Variants in GPRASP2 observed in about 807,000 individuals in gnomAD.
GPRASP2 encodes the protein G protein-coupled receptor associated sorting protein 2, also known as G protein-coupled receptor-associated sorting protein 2.
Under a neutral mutation model 36.0 loss-of-function variants are expected in GPRASP2, and 10 were observed. The observed-to-expected ratio is 0.28, with a 90% CI of 0.17 to 0.47. The LOEUF is 0.47. Among genes scored for constraint, GPRASP2 ranks in the 20% least tolerant of loss-of-function variants. The pLI is 0.99. For missense variants in GPRASP2, 538 were observed against 626.7 expected, an observed-to-expected ratio of 0.86 and a Z score of 1.51; for synonymous variants, 219 against 230.5, an observed-to-expected ratio of 0.95 and a Z score of 0.45.
In GPRASP2 at chrX:102,717,707, CA is replaced by C. The variant is rs2081983967; in HGVS notation, c.*323del. On this transcript the variant is annotated 3_prime_UTR_variant, in exon 5 of 5. Coordinates refer to ENST00000483720, the MANE Select transcript of GPRASP2 (RefSeq NM_001004051.4). Reference sequence around the variant, plus strand: ...GGTTCTCTATTTGAGTCTGTGTTTTCAATAAAGTTCTATGTTAAAATTGGCA... The same window carrying C: ...GGTTCTCTATTTGAGTCTGTGTTTTCATAAAGTTCTATGTTAAAATTGGCA... 1.2e-5 allele frequency: 2 copies of C among 172,067 alleles called. No individual in the cohort carries two copies. Among genetic ancestry groups the C allele is most frequent in the East Asian group, 2.7e-4 (2 of 7,285 alleles). 14.2% of individuals were successfully genotyped at this position (172,067 alleles called of 1,213,427 possible).
In GPRASP2 at chrX:102,717,181, A is replaced by G. The variant is rs746842035; in HGVS notation, c.2312A>G (p.Glu771Gly). 1 of 1,151,715 alleles carries G rather than the reference A, an allele frequency of 8.7e-7. No individual in the cohort carries two copies. Among genetic ancestry groups the G allele is most frequent in the South Asian group, 2.2e-5 (1 of 45,414 alleles). The allele number at this position is 1,151,715 out of a possible 1,213,427, so 94.9% of individuals were successfully genotyped here. A position where few individuals can be genotyped will look rare whatever the true frequency, so the allele number is the denominator to read the frequency against. The change falls in exon 5 of 5, where the codon GAA becomes GGA. Residue 771 changes from glutamate (E) to glycine (G), a missense_variant. This residue lies in a region of GPRASP2 where 262 missense variants were observed against 351.7 expected (regional missense o/e 0.74). Transcript: ENST00000483720. ...ATATTTGTGGGTCTCTTTAACATAG[A>G]AGAGACAAATGATAATATTCAAATT... ...LSIFVGLFNI[E>G]ETNDNIQIVI...
At chrX:102,714,328 T>A (rs2081926745) in intron 4 of GPRASP2, 62 bp downstream of exon 4, 1 of 115,159 alleles carries the variant, frequency 8.7e-6, no homozygotes, top group Admixed American at 8.7e-5. Flanking sequence ...GGTCCGGGAG[T>A]GATTAGGGTC....
At position 102,716,082 on chromosome X, in the gene GPRASP2, G is replaced by A. The variant is rs771761739; in HGVS notation, c.1213G>A (p.Ala405Thr). The A allele has an allele frequency of 9.2e-6, 11 of 1,193,426 alleles. No homozygotes were observed. In the South Asian group the frequency reaches 1.9e-4, roughly 21 times the overall value. ...GGCCAGTTTGGAGGGTGGAGCTTCA[G>A]CAATCTGTGAATCTGAGCCAGGAAC... ...KEASLEGGASAICESEPGTEE... is the reference protein window; with the variant it reads ...KEASLEGGASTICESEPGTEE... Residue 405 changes from alanine to threonine, a missense_variant, in exon 5 of 5, where the codon GCA becomes ACA. Physicochemically the swap from Ala to Thr is moderately conservative, Grantham distance 58. Around this residue, in one of 2 missense-constraint regions of GPRASP2, gnomAD observed 262 missense variants for 351.7 expected, o/e 0.74. Transcript: ENST00000483720.
Position 102,715,251 on chromosome X carries a change from G to A in GPRASP2, c.382G>A (p.Ala128Thr), listed in dbSNP as rs935187726. The part of the protein sequence containing the change: ...PGARPKDEAQ[A>T]WAQSEFGTEA... ...AGCAAGGCCCAAGGATGAGGCCCAG[G>A]CATGGGCCCAGAGTGAATTTGGGAC... The change falls in exon 5 of 5, where the codon GCA (alanine) becomes ACA (threonine). Residue 128 changes from alanine (A) to threonine (T), a missense_variant. Physicochemically the swap from Ala to Thr is moderately conservative, Grantham distance 58 (BLOSUM62 0). This residue lies in a region of GPRASP2 where 276 missense variants were observed against 275.0 expected (regional missense o/e 1.00). Coordinates refer to ENST00000483720, the MANE Select transcript of GPRASP2 (RefSeq NM_001004051.4). The A allele has an allele frequency of 4.1e-6, 5 of 1,208,844 alleles. No homozygotes were observed. The Admixed American group carries it at 8.7e-5, about 21-fold the overall frequency.
rs2081974580 is a variant in GPRASP2, at chrX:102,717,015, A to G, written c.2146A>G (p.Ile716Val). 8.4e-7 allele frequency: 1 copy of G among 1,197,165 alleles called. No individual in the cohort carries two copies. Among genetic ancestry groups the G allele is most frequent in the Admixed American group, 2.2e-5 (1 of 45,158 alleles). ...LTMTIDYHTL[I>V]ANYMSGFLSL... Reference sequence around the variant, plus strand: ...TATGACTATTGACTATCACACACTGATTGCCAACTATATGTCCGGGTTTCT... The same window carrying G: ...TATGACTATTGACTATCACACACTGGTTGCCAACTATATGTCCGGGTTTCT... The change falls in exon 5 of 5, where the codon ATT (isoleucine) becomes GTT (valine). Residue 716 changes from isoleucine to valine, a missense_variant. Around this residue, in one of 2 missense-constraint regions of GPRASP2, gnomAD observed 262 missense variants for 351.7 expected, o/e 0.74. Transcript: ENST00000483720.
rs1453974041 is a variant in GPRASP2 at position 102,715,942 on chromosome X, C to G, written c.1073C>G (p.Pro358Arg). The G allele has an allele frequency of 1.7e-6, 2 of 1,211,605 alleles. No individual in the cohort carries two copies. The highest frequency in any genetic ancestry group is 2.2e-6 in the Non-Finnish European group (2 of 895,493). The part of the protein sequence containing the change: ...SRFRHRDKED[P>R]NTALKLRAQK... Reference sequence around the variant, plus strand: ...TTCAGGCACAGAGACAAAGAAGATCCTAATACTGCCTTGAAACTCAGGGCC... The same window carrying G: ...TTCAGGCACAGAGACAAAGAAGATCGTAATACTGCCTTGAAACTCAGGGCC... The change falls in exon 5 of 5, where the codon CCT becomes CGT. Residue 358 changes from proline to arginine, a missense_variant. Coordinates refer to ENST00000483720, the MANE Select transcript of GPRASP2 (RefSeq NM_001004051.4).
Position 102,717,482 on chromosome X carries a change from AT to A in GPRASP2, c.*102del, listed in dbSNP as rs2081981928. ...AGTCTGTTTTTTTGTTGTAACTTAT[AT>A]TTTTTAATGCTGATGTTAACTTTGT... On this transcript the variant is annotated 3_prime_UTR_variant, in exon 5 of 5. Coordinates refer to ENST00000483720, the MANE Select transcript of GPRASP2 (RefSeq NM_001004051.4). 3.1e-6 allele frequency: 3 copies of A among 969,919 alleles called. No individual in the cohort carries two copies. Among genetic ancestry groups the A allele is most frequent in the East Asian group, 7.6e-5 (2 of 26,487 alleles). The allele number at this position is 969,919 out of a possible 1,213,427, so 79.9% of individuals were successfully genotyped here. A position where few individuals can be genotyped will look rare whatever the true frequency, so the allele number is the denominator to read the frequency against.
In GPRASP2 at chrX:102,714,887, T is replaced by A; in HGVS notation, c.18T>A (p.Ile6=). The A allele has an allele frequency of 8.3e-7, 1 of 1,210,052 alleles. No individual in the cohort carries two copies. The highest frequency in any genetic ancestry group is 1.1e-6 in the Non-Finnish European group (1 of 894,751). MTGAE[I]EPSAQAKPEK... is the part of the protein sequence containing the mutation. ...CTTGTACCATGACTGGGGCAGAGAT[T>A]GAGCCTAGTGCCCAGGCCAAGCCTG... is the stretch of plus-strand genomic sequence containing the variant. The change falls in exon 5 of 5, where the codon ATT becomes ATA. Residue 6 remains isoleucine, a synonymous_variant. Transcript: ENST00000483720.
At chrX:102,712,591 G>T (rs1353973235) in intron 1 of GPRASP2, 39 bp downstream of exon 1, 1 of 112,290 alleles carries the variant, frequency 8.9e-6, no homozygotes. Flanking sequence ...CGGGTTGCGG[G>T]GGTGGTCTGG....
chrX:102,713,501 G>T (rs2147723766), intron 2 of GPRASP2, among the ~76,000 whole-genome samples: 1 of 113,286 alleles, frequency 8.8e-6, no homozygotes, highest in African/African-American at 3.2e-5. Context: ...ATTTTATGCT[G>T]CGCAGAGCAA....
chrX:102,715,974 G>T lies in GPRASP2; in HGVS notation c.1105G>T (p.Asp369Tyr). The change falls in exon 5 of 5, where the codon GAT becomes TAT. Residue 369 changes from aspartate to tyrosine, a missense_variant. Physicochemically the swap from Asp to Tyr is radical, Grantham distance 160 (BLOSUM62 -3). This residue lies in a region of GPRASP2 where 276 missense variants were observed against 275.0 expected (regional missense o/e 1.00). Transcript: ENST00000483720. ...NTALKLRAQK[D>Y]VDSDRVKQEP... ...TGCCTTGAAACTCAGGGCCCAGAAA[G>T]ATGTTGACAGTGATAGGGTCAAACA... 1 of 1,211,480 alleles carries T rather than the reference G, an allele frequency of 8.3e-7. No individual in the cohort carries two copies. The highest frequency in any genetic ancestry group is 1.1e-6 in the Non-Finnish European group (1 of 895,484).
Position 102,715,619 on chromosome X carries a change from A to G in GPRASP2, c.750A>G (p.Glu250=). Residue 250 remains glutamate (E), a synonymous_variant, in exon 5 of 5, where the codon GAA becomes GAG. Transcript: ENST00000483720. ...CAAGTGTCAGATCATGGCCCAGGGA[A>G]GAGTCCAATACCAGGTCCAGGCACA... ...EETSVRSWPR[E]ESNTRSRHRA... 8 of 1,211,702 alleles carry G rather than the reference A, an allele frequency of 6.6e-6. No homozygotes were observed. Among genetic ancestry groups the G allele is most frequent in the Non-Finnish European group, 8.9e-6 (8 of 895,555 alleles).
In GPRASP2 at chrX:102,717,618, A is replaced by G. The variant is rs759688015; in HGVS notation, c.*232A>G. 9 of 405,494 alleles carry G rather than the reference A, an allele frequency of 2.2e-5. No homozygotes were observed. Among genetic ancestry groups the G allele is most frequent in the African/African-American group, 1.8e-4 (7 of 38,395 alleles). 33.4% of individuals were successfully genotyped at this position (405,494 alleles called of 1,213,427 possible). ...TGTCCAGATTGCGGTATTTTTCAGT[A>G]TTAAGTTTTCAATGAACTGTGTCAC... On this transcript the variant is annotated 3_prime_UTR_variant, in exon 5 of 5. Transcript: ENST00000483720.
At position 102,716,321 on chromosome X, in the gene GPRASP2, A is replaced by C; in HGVS notation, c.1452A>C (p.Ala484=). The change falls in exon 5 of 5, where the codon GCA becomes GCC. Residue 484 remains alanine (A), a synonymous_variant. Transcript: ENST00000483720. The part of the protein sequence containing the change: ...RFRDAAEELN[A]SSRPQTWDEV... ...GAGATGCAGCTGAGGAGCTTAATGCATCCTCCAGGCCCCAAACCTGGGACG... is the reference window on the plus strand; with the variant it reads ...GAGATGCAGCTGAGGAGCTTAATGCCTCCTCCAGGCCCCAAACCTGGGACG... The C allele has an allele frequency of 8.3e-7, 1 of 1,211,957 alleles. No homozygotes were observed. The highest frequency in any genetic ancestry group is 1.1e-6 in the Non-Finnish European group (1 of 895,613).
chrX:102,716,999 T>G lies in GPRASP2; in HGVS notation c.2130T>G (p.Ile710Met), dbSNP rs1265913885. 2 of 1,200,162 alleles carry G rather than the reference T, an allele frequency of 1.7e-6. No homozygotes were observed. Among genetic ancestry groups the G allele is most frequent in the Non-Finnish European group, 2.3e-6 (2 of 887,733 alleles). ...TGCTTAGACACCTCACTATGACTATTGACTATCACACACTGATTGCCAACT... is the reference window on the plus strand; with the variant it reads ...TGCTTAGACACCTCACTATGACTATGGACTATCACACACTGATTGCCAACT... Reference protein sequence around the residue: ...IRMLRHLTMTIDYHTLIANYM... With the variant: ...IRMLRHLTMTMDYHTLIANYM... The change falls in exon 5 of 5, where the codon ATT (isoleucine) becomes ATG (methionine). Residue 710 changes from isoleucine (I) to methionine (M), a missense_variant. Physicochemically the swap from Ile to Met is conservative, Grantham distance 10. This residue lies in a region of GPRASP2 where 262 missense variants were observed against 351.7 expected (regional missense o/e 0.74). Transcript: ENST00000483720.
In GPRASP2 at chrX:102,714,600, C is replaced by G. The variant is rs2081931709; in HGVS notation, c.-270C>G. On this transcript the variant is annotated 5_prime_UTR_variant, in exon 5 of 5. Coordinates refer to ENST00000483720, the MANE Select transcript of GPRASP2 (RefSeq NM_001004051.4). ...CTGCTGACAACCACCCTCAACGGGT[C>G]TGCACCCATCCAGGAAATATCTGTC... is the stretch of plus-strand genomic sequence containing the variant. 1 of 401,991 alleles carries G rather than the reference C, an allele frequency of 2.5e-6. No homozygotes were observed. Among genetic ancestry groups the G allele is most frequent in the Non-Finnish European group, 4.1e-6 (1 of 241,709 alleles). The allele number at this position is 401,991 out of a possible 1,213,427, so 33.1% of individuals were successfully genotyped here. A position where few individuals can be genotyped will look rare whatever the true frequency, so the allele number is the denominator to read the frequency against.
At position 102,717,636 on chromosome X, in the gene GPRASP2, T is replaced by C. The variant is rs914334214; in HGVS notation, c.*250T>C. On this transcript the variant is annotated 3_prime_UTR_variant, in exon 5 of 5. Transcript: ENST00000483720. ...TTTCAGTATTAAGTTTTCAATGAACTGTGTCACCTAAGTAAGCTACCCTGC... is the reference window on the plus strand; with the variant it reads ...TTTCAGTATTAAGTTTTCAATGAACCGTGTCACCTAAGTAAGCTACCCTGC... 6 of 305,014 alleles carry C rather than the reference T, an allele frequency of 2.0e-5. No individual in the cohort carries two copies. The allele number at this position is 305,014 out of a possible 1,213,427, so 25.1% of individuals were successfully genotyped here. A position where few individuals can be genotyped will look rare whatever the true frequency, so the allele number is the denominator to read the frequency against.
chrX:102,716,622 A>G lies in GPRASP2; in HGVS notation c.1753A>G (p.Ser585Gly), dbSNP rs766463571. The G allele has an allele frequency of 3.3e-6, 4 of 1,212,109 alleles. No homozygotes were observed. The South Asian group carries it at 5.3e-5, about 16-fold the overall frequency. ...ESAESESWSC[S>G]CIQCELKIGS... ...TGCAGAGTCTGAGAGTTGGTCCTGC[A>G]GCTGCATACAATGTGAGCTGAAAAT... Residue 585 changes from serine (S) to glycine (G), a missense_variant, in exon 5 of 5, where the codon AGC becomes GGC. Transcript: ENST00000483720.
In GPRASP2 at chrX:102,715,513, G is replaced by C. The variant is rs768857340; in HGVS notation, c.644G>C (p.Arg215Thr). The change falls in exon 5 of 5, where the codon AGA becomes ACA. Residue 215 changes from arginine (R) to threonine (T), a missense_variant. By Grantham distance (71) the Arg-to-Thr change is moderately conservative. Coordinates refer to ENST00000483720, the MANE Select transcript of GPRASP2 (RefSeq NM_001004051.4). Reference sequence around the variant, plus strand: ...TGGTGCTATTCCAGGCCCAGGGCCAGAGAGGAGGCCTCTAATGAGTCTGGG... The same window carrying C: ...TGGTGCTATTCCAGGCCCAGGGCCACAGAGGAGGCCTCTAATGAGTCTGGG... ...GSWCYSRPRA[R>T]EEASNESGFW... 8.7e-5 allele frequency: 105 copies of C among 1,210,661 alleles called. 1 individual carries two copies. The East Asian group carries it at 2.3e-3, about 27-fold the overall frequency.
Sources: allele counts gnomAD v4.1 joint callset (sites outside exome capture counted in the v4.1 genomes callset), GRCh38; gene constraint gnomAD v4.1.1; regional missense constraint gnomAD v4.1.1; transcripts MANE v1.5; gene names NCBI Gene and HGNC (gene_info 2026-07-23, HGNC 2026-07-21).